Variants in WIF1 observed in about 807,000 individuals in gnomAD.
WIF1 encodes the protein Wnt inhibitory factor 1.
WIF1 carries 35 observed loss-of-function variants against 53.5 expected under a neutral mutation model. The ratio of observed to expected loss-of-function variants is 0.65; its 90% CI spans 0.50 to 0.87. WIF1 has a LOEUF of 0.87. Ranked by LOEUF, WIF1 falls within the 40% of genes least tolerant of loss-of-function variation. The pLI is 0.00. For missense variants in WIF1, 467 were observed against 476.8 expected (o/e 0.98, Z 0.19); for synonymous variants, 171 against 170.4 (o/e 1.00, Z -0.03).
At chr12:65,106,513 G>T (rs568340434) in intron 2 of WIF1, among the ~76,000 whole-genome samples, 25 of 151,826 alleles carry the variant, frequency 1.6e-4, no homozygotes, top group Admixed American at 9.9e-4. Flanking sequence ...ACAGGTGCTC[G>T]CCACCACGCC....
intron 2 of WIF1, among the ~76,000 whole-genome samples, chr12:65,083,639 A>G (rs1006362316): frequency 2.0e-5 from 3 of 152,140 alleles, no homozygotes; most frequent in Admixed American, 6.6e-5. Flanking sequence ...CTTCTTCCAA[A>G]GCACAGACTC....
rs931044269 is a variant in WIF1, at chr12:65,067,750, A to T, written c.579T>A (p.Asn193Lys). 1.2e-6 allele frequency: 2 copies of T among 1,613,260 alleles called. No homozygotes were observed. The highest frequency in any genetic ancestry group is 2.2e-5 in the South Asian group (2 of 91,080). ...CAGGACACTCGCAGATGCGTCTTTCATTACAAAAGCCTCCATTTCGGCACC... is the reference window on the plus strand; with the variant it reads ...CAGGACACTCGCAGATGCGTCTTTCTTTACAAAAGCCTCCATTTCGGCACC... ...PGGCRNGGFCNERRICECPDG... is the reference protein window; with the variant it reads ...PGGCRNGGFCKERRICECPDG... Residue 193 changes from asparagine to lysine, a missense_variant, in exon 5 of 10, where the codon AAT becomes AAA. Physicochemically the swap from Asn to Lys is moderately conservative, Grantham distance 94 (BLOSUM62 0). Transcript: ENST00000286574.
chr12:65,116,217 G>A lies in WIF1; in HGVS notation c.288+4200C>T, dbSNP rs188153100. The stretch of plus-strand genomic sequence containing the variant: ...TATACACCAGGGGTCCCCAACCCTC[G>A]GGGCACATGTCAGTACTGGTCCATG... On this transcript the variant is annotated intron_variant, in intron 2 of 9. Coordinates refer to ENST00000286574, the MANE Select transcript of WIF1 (RefSeq NM_007191.5). 2.6e-3 allele frequency among the ~76,000 whole-genome samples: 394 copies of A among 152,160 alleles called. 2 individuals are homozygous for A. The highest frequency in any genetic ancestry group is 9.1e-3 in the African/African-American group (378 of 41,512).
chr12:65,084,104 TC>T (rs759703291), intron 2 of WIF1, among the ~76,000 whole-genome samples: 1 of 152,074 alleles, frequency 6.6e-6, no homozygotes, highest in Non-Finnish European at 1.5e-5. Context: ...CTATCTCATG[TC>T]CCCACAGAAA....
chr12:65,091,891 C>T lies in WIF1; in HGVS notation c.289-14037G>A, dbSNP rs75394210. On this transcript the variant is annotated intron_variant, in intron 2 of 9. Transcript: ENST00000286574. ...CATGTGCCAGGTTCTGCTCTAGGCA[C>T]TAGGGATGCAGCAGTCAGCAAAAGA... Among the ~76,000 whole-genome samples the T allele has an allele frequency of 6.5e-3, 991 of 152,248 alleles. 7 individuals carry two copies. The highest frequency in any genetic ancestry group is 0.01 in the Middle Eastern group (3 of 294).
chr12:65,056,070 T>TA lies in WIF1; in HGVS notation c.882dup (p.Lys295Ter). 6.2e-7 allele frequency: 1 copy of TA among 1,614,130 alleles called. No homozygotes were observed. The highest frequency in any genetic ancestry group is 8.5e-7 in the Non-Finnish European group (1 of 1,179,992). On this transcript the variant is annotated frameshift_variant, in exon 8 of 10. Transcript: ENST00000286574. LOFTEE classifies it high-confidence loss of function. ...TCTCCCTGGTAACCTTTGGAACACT[T>TA]ACATTTGCTTTTACCAATGCATTTA...
intron 2 of WIF1, among the ~76,000 whole-genome samples, chr12:65,090,638 A>G (rs1403060949): frequency 6.6e-6 from 1 of 152,122 alleles, no homozygotes; most frequent in Non-Finnish European, 1.5e-5. Flanking sequence ...AAACAGGTGA[A>G]GGAGGGGCAG....
intron 2 of WIF1, among the ~76,000 whole-genome samples, chr12:65,116,308 T>C (rs1883508236): frequency 6.6e-6 from 1 of 152,142 alleles, no homozygotes; most frequent in African/African-American, 2.4e-5. Flanking sequence ...ATCACTCGCA[T>C]TACCGCCTGA....
intron 2 of WIF1, among the ~76,000 whole-genome samples, chr12:65,086,177 T>C (rs1883035086): frequency 6.6e-6 from 1 of 151,860 alleles, no homozygotes; most frequent in Admixed American, 6.6e-5. Context: ...GGTATAAATA[T>C]AGTCTTTAAA....
At chr12:65,110,366 T>C (rs113613059) in intron 2 of WIF1, among the ~76,000 whole-genome samples, 42 of 152,164 alleles carry the variant, frequency 2.8e-4, no homozygotes, top group African/African-American at 9.9e-4. Context: ...TGGTAGCCTT[T>C]CTCCCTGTGC....
chr12:65,118,626 AT>A (rs1179727792), intron 2 of WIF1, among the ~76,000 whole-genome samples: 4 of 152,224 alleles, frequency 2.6e-5, no homozygotes, highest in African/African-American at 9.6e-5. Flanking sequence ...GGAGAAAAAA[AT>A]ATTACAAACT....
At chr12:65,086,150 G>GAAA (rs11433448) in intron 2 of WIF1, among the ~76,000 whole-genome samples, 1 of 148,518 alleles carries the variant, frequency 6.7e-6, no homozygotes, top group Non-Finnish European at 1.5e-5. Context: ...TCTAAAAATT[G>GAAA]AAAAAAAAAA....
chr12:65,063,252 TC>T (rs151098063), intron 6 of WIF1, among the ~76,000 whole-genome samples: 7,372 of 152,254 alleles, frequency 0.048, 254 homozygotes, highest in Non-Finnish European at 0.073. Flanking sequence ...TAATCACACT[TC>T]GTGATTCATC....
intron 7 of WIF1, among the ~76,000 whole-genome samples, chr12:65,057,635 T>C (rs1390374753): frequency 2.0e-5 from 3 of 152,172 alleles, no homozygotes; most frequent in Non-Finnish European, 4.4e-5. Context: ...CTTTTTCTTT[T>C]CTTTTTATTC....
intron 3 of WIF1, among the ~76,000 whole-genome samples, chr12:65,076,038 A>G (rs1040548751): frequency 6.6e-6 from 1 of 152,064 alleles, no homozygotes; most frequent in African/African-American, 2.4e-5. Context: ...TCTTTCTTTT[A>G]TCTTTTTTGA....
In WIF1 at chr12:65,066,651, G is replaced by C. The variant is rs758483729; in HGVS notation, c.720C>G (p.Asn240Lys). 1 of 1,605,180 alleles carries C rather than the reference G, an allele frequency of 6.2e-7. No homozygotes were observed. Among genetic ancestry groups the C allele is most frequent in the Admixed American group, 1.7e-5 (1 of 58,348 alleles). ...CICPPGFYGV[N>K]CDKANCSTTC... Reference sequence around the variant, plus strand: ...AAAAGAAACTGTTACCTTTGTCACAGTTCACTCCATAGAATCCAGGTGGGC... The same window carrying C: ...AAAAGAAACTGTTACCTTTGTCACACTTCACTCCATAGAATCCAGGTGGGC... Residue 240 changes from asparagine to lysine, a missense_variant, in exon 6 of 10, where the codon AAC becomes AAG. Physicochemically the swap from Asn to Lys is moderately conservative, Grantham distance 94. Transcript: ENST00000286574.
intron 2 of WIF1, among the ~76,000 whole-genome samples, chr12:65,088,341 C>A (rs1883072861): frequency 6.6e-6 from 1 of 152,154 alleles, no homozygotes; most frequent in Non-Finnish European, 1.5e-5. Context: ...CAACATCCCC[C>A]CCATCTATCT....
chr12:65,077,255 G>A (rs1882875316), intron 3 of WIF1, among the ~76,000 whole-genome samples: 1 of 152,172 alleles, frequency 6.6e-6, no homozygotes, highest in Non-Finnish European at 1.5e-5. Flanking sequence ...TAGCAAAGAA[G>A]GATGATTAGA....
chr12:65,099,394 C>G (rs772864699), intron 2 of WIF1, among the ~76,000 whole-genome samples: 3 of 152,174 alleles, frequency 2.0e-5, no homozygotes, highest in Non-Finnish European at 4.4e-5. Flanking sequence ...CTCAAATAAG[C>G]CACGTGATGC....
Sources: allele counts gnomAD v4.1 joint callset (sites outside exome capture counted in the v4.1 genomes callset), GRCh38; gene constraint gnomAD v4.1.1; transcripts MANE v1.5; gene names NCBI Gene and HGNC (gene_info 2026-07-23, HGNC 2026-07-21).